MBNL2: variants seen among roughly 807,000 people sequenced by gnomAD.
MBNL2 encodes the protein muscleblind like splicing regulator 2.
MBNL2 carries 17 observed loss-of-function variants against 41.9 expected under a neutral mutation model. The observed-to-expected ratio is 0.41, with a 90% CI of 0.28 to 0.61. The LOEUF (loss-of-function observed/expected upper bound fraction) is 0.61, where lower values mean the gene tolerates loss of function less well. Among genes scored for constraint, MBNL2 ranks in the 20% least tolerant of loss-of-function variants. The pLI, the probability that MBNL2 is intolerant of heterozygous loss-of-function variation, is 0.35. For synonymous variants in MBNL2, 195 were observed against 182.9 expected (o/e 1.07, Z -0.53); for missense variants, 336 against 505.6 (o/e 0.66, Z 3.22).
intron 8 of MBNL2, among the ~76,000 whole-genome samples, chr13:97,377,434 A>G (rs1207747537): frequency 6.6e-6 from 1 of 152,214 alleles, no homozygotes; most frequent in African/African-American, 2.4e-5. Context: ...TGCAGGTTCT[A>G]CATTTATTTG....
At chr13:97,335,634 T>C (rs1169400124) in intron 3 of MBNL2, among the ~76,000 whole-genome samples, 3 of 151,944 alleles carry the variant, frequency 2.0e-5, no homozygotes. Context: ...AGATACAGTG[T>C]TTTGGGGATA....
chr13:97,320,209 C>G (rs1238648883), intron 2 of MBNL2, among the ~76,000 whole-genome samples: 1 of 151,214 alleles, frequency 6.6e-6, no homozygotes, highest in East Asian at 2.0e-4. Flanking sequence ...GCCAGAGGTC[C>G]AAAATCCAAG....
intron 2 of MBNL2, among the ~76,000 whole-genome samples, chr13:97,297,991 GAC>G (rs1165444736): frequency 2.6e-5 from 4 of 152,094 alleles, no homozygotes; most frequent in African/African-American, 7.2e-5. Context: ...AGGGAAAACA[GAC>G]ACATAGAAGA....
chr13:97,186,048 A>G, the MBNL2 span, among the ~76,000 whole-genome samples: 2 of 152,184 alleles, frequency 1.3e-5, no homozygotes, highest in South Asian at 2.1e-4. Flanking sequence ...CCCTCAGCCT[A>G]GATGCTCTCT....
intron 2 of MBNL2, among the ~76,000 whole-genome samples, chr13:97,309,526 G>C (rs970454928): frequency 1.3e-5 from 2 of 152,148 alleles, no homozygotes; most frequent in Non-Finnish European, 2.9e-5. Flanking sequence ...GTGCTGGGAC[G>C]GATCTTTTCC....
intron 8 of MBNL2, among the ~76,000 whole-genome samples, chr13:97,373,608 A>G (rs2064624687): frequency 6.8e-6 from 1 of 147,682 alleles, no homozygotes; most frequent in Non-Finnish European, 1.5e-5. Context: ...TGCTAAAAAT[A>G]TATATATATA....
In MBNL2 at chr13:97,366,806, C is replaced by A; in HGVS notation, c.1048+1635C>A. 1 of 523,654 alleles carries A rather than the reference C, an allele frequency of 1.9e-6. No homozygotes were observed. The highest frequency in any genetic ancestry group is 3.4e-6 in the Non-Finnish European group (1 of 290,914). 32.4% of individuals were successfully genotyped at this position (523,654 alleles called of 1,614,324 possible). A position where few individuals can be genotyped will look rare whatever the true frequency, so the allele number is the denominator to read the frequency against. On this transcript the variant is annotated intron_variant, in intron 8 of 8. Transcript: ENST00000679496. The surrounding 1 kb of genome is among the most constrained non-coding windows in gnomAD (Gnocchi z 4.7). ...ACCTAATATTGTGTAATTAACCTGA[C>A]AGGCTTAAATTCCTTTTAGTACAGC... is the stretch of plus-strand genomic sequence containing the variant.
intron 1 of MBNL2, among the ~76,000 whole-genome samples, chr13:97,241,898 A>G (rs990816370): frequency 2.6e-5 from 4 of 152,174 alleles, no homozygotes; most frequent in East Asian, 1.9e-4. Flanking sequence ...ATAACTGTGC[A>G]GGAGAGTGGC....
chr13:97,357,553 G>A lies in MBNL2; in HGVS notation c.930G>A (p.Ala310=), dbSNP rs140597546. ...TTGAAAAAAGCAATGGTACCAGCGC[G>A]GTCTTTAACCCCAGCGTCTTGCACT... ...QALEKSNGTS[A]VFNPSVLHYQ... is the part of the protein sequence containing the mutation. Residue 310 remains alanine (A), a synonymous_variant, in exon 7 of 9, where the codon GCG becomes GCA. Coordinates refer to ENST00000679496, the MANE Select transcript of MBNL2 (RefSeq NM_001382683.1). 13 of 1,613,824 alleles carry A rather than the reference G, an allele frequency of 8.1e-6. No homozygotes were observed. The Admixed American group carries it at 8.3e-5, about 10-fold the overall frequency.
chr13:97,308,627 T>C (rs1437753692), intron 2 of MBNL2, among the ~76,000 whole-genome samples: 4 of 152,210 alleles, frequency 2.6e-5, no homozygotes, highest in Non-Finnish European at 5.9e-5. Flanking sequence ...CTAACCTACA[T>C]CATGTGTGGC....
chr13:97,208,439 A>G, the MBNL2 span, among the ~76,000 whole-genome samples: 1 of 152,176 alleles, frequency 6.6e-6, no homozygotes, highest in South Asian at 2.1e-4. Context: ...CCTTTTGTGG[A>G]ACCCACAGCT....
At chr13:97,190,350 G>A in the MBNL2 span, among the ~76,000 whole-genome samples, 1 of 152,198 alleles carries the variant, frequency 6.6e-6, no homozygotes, top group Non-Finnish European at 1.5e-5. Flanking sequence ...GCACACCACA[G>A]TTTGTTTGCA....
the MBNL2 span, among the ~76,000 whole-genome samples, chr13:97,189,368 A>T: frequency 6.6e-6 from 1 of 152,200 alleles, no homozygotes; most frequent in South Asian, 2.1e-4. Flanking sequence ...AGAAAAAGGA[A>T]AAAGAAAGGG....
the MBNL2 span, among the ~76,000 whole-genome samples, chr13:97,197,982 T>C: frequency 3.9e-5 from 6 of 152,210 alleles, no homozygotes; most frequent in Non-Finnish European, 8.8e-5. Context: ...CAGACTCATA[T>C]TGAGTTGCCT....
At chr13:97,314,671 C>T (rs754981029) in intron 2 of MBNL2, among the ~76,000 whole-genome samples, 1 of 152,166 alleles carries the variant, frequency 6.6e-6, no homozygotes, top group Non-Finnish European at 1.5e-5. Flanking sequence ...AGACTCTTGC[C>T]ATGCTATTTT....
chr13:97,336,825 A>G (rs1053126236), intron 3 of MBNL2, among the ~76,000 whole-genome samples: 1 of 152,206 alleles, frequency 6.6e-6, no homozygotes, highest in Non-Finnish European at 1.5e-5. Context: ...AGATGCAAAA[A>G]CTGCATAAGA....
chr13:97,260,697 A>C (rs1489100460), intron 1 of MBNL2, among the ~76,000 whole-genome samples: 1 of 152,168 alleles, frequency 6.6e-6, no homozygotes, highest in Non-Finnish European at 1.5e-5. Flanking sequence ...GTGGGTTTTA[A>C]AGCCATAAAA....
chr13:97,216,063 A>G, the MBNL2 span, among the ~76,000 whole-genome samples: 2 of 152,190 alleles, frequency 1.3e-5, no homozygotes, highest in African/African-American at 4.8e-5. Flanking sequence ...TGTTAGTCCT[A>G]ATTTTCCCAT....
intron 1 of MBNL2, among the ~76,000 whole-genome samples, chr13:97,255,701 G>C (rs868565972): frequency 6.6e-6 from 1 of 152,192 alleles, no homozygotes; most frequent in South Asian, 2.1e-4. Context: ...TAGGAAAGCT[G>C]GTTGATCTTT....
Sources: gnomAD v4.1 joint callset for allele counts (sites outside exome capture counted in the v4.1 genomes callset) on GRCh38, gnomAD v4.1.1 for gene constraint, Gnocchi (gnomAD v3.1) non-coding constraint, MANE v1.5 for transcripts, NCBI Gene and HGNC (gene_info 2026-07-23, HGNC 2026-07-21) for gene names.